Variants in DIP2C observed in about 807,000 individuals in gnomAD.
DIP2C encodes the protein disco-interacting protein 2 homolog C.
DIP2C carries 33 observed loss-of-function variants against 192.4 expected under a neutral mutation model. The observed-to-expected ratio is 0.17, with a 90% CI of 0.13 to 0.23. DIP2C has a LOEUF of 0.23. Ranked by LOEUF, DIP2C falls within the 10% of genes least tolerant of loss-of-function variation. DIP2C has a pLI of 1.00. For synonymous variants in DIP2C, 979 were observed against 864.1 expected (o/e 1.13, Z -2.33); for missense variants, 1,537 against 2,110.1 (o/e 0.73, Z 5.32).
chr10:337,551 GC>G (rs1957898889), intron 29 of DIP2C, among the ~76,000 whole-genome samples: 1 of 127,486 alleles, frequency 7.8e-6, no homozygotes, highest in Non-Finnish European at 1.7e-5. Context: ...GGCCTAGGAA[GC>G]TGTGTGTGTG....
At chr10:323,697 G>A (rs1011262652) in intron 31 of DIP2C, among the ~76,000 whole-genome samples, 6 of 152,262 alleles carry the variant, frequency 3.9e-5, no homozygotes, top group Non-Finnish European at 7.4e-5. Flanking sequence ...AAGCTAAAGT[G>A]TATTTTCTGA....
chr10:409,051 T>TA (rs1158512418), intron 8 of DIP2C, 34 bp from the exon 9 acceptor site: 2 of 1,604,816 alleles, frequency 1.2e-6, no homozygotes. Context: ...ATGTGCGTAT[T>TA]AAACCATACG....
chr10:433,955 TTATCA>T (rs1276753386), intron 4 of DIP2C, among the ~76,000 whole-genome samples: 4 of 152,162 alleles, frequency 2.6e-5, no homozygotes, highest in African/African-American at 4.8e-5. Context: ...CTTTCCTTTC[TTATCA>T]TATCAGTTAC....
At chr10:441,095 C>A in intron 3 of DIP2C, 99 bp from the exon 4 acceptor site, 2 of 1,365,168 alleles carry the variant, frequency 1.5e-6, no homozygotes, top group South Asian at 1.7e-5. Context: ...CATCCACCTT[C>A]TGAAACTCAC....
rs940430022 is a variant in DIP2C, at chr10:418,963, C to T, written c.739+102G>A. On this transcript the variant is annotated intron_variant, in intron 6 of 36. Transcript: ENST00000280886. The stretch of plus-strand genomic sequence containing the variant: ...TCTGATAAATTGGCTTTGTCAGAAC[C>T]GATTGTACCCCAGGAAGAAACACAT... 5.2e-6 allele frequency: 8 copies of T among 1,538,678 alleles called. No individual in the cohort carries two copies. In the Admixed American group the frequency reaches 1.1e-4, roughly 21 times the overall value.
chr10:689,571 T>C lies in DIP2C; in HGVS notation c.8A>G (p.Asp3Gly). 1.7e-6 allele frequency: 2 copies of C among 1,183,368 alleles called. No homozygotes were observed. Among genetic ancestry groups the C allele is most frequent in the East Asian group, 4.8e-5 (1 of 21,008 alleles). 73.3% of individuals were successfully genotyped at this position (1,183,368 alleles called of 1,614,324 possible). A position where few individuals can be genotyped will look rare whatever the true frequency, so the allele number is the denominator to read the frequency against. ...CAGCGCCATGCCCTCCAGGCTGCGG[T>C]CCGCCATGCTCCGCGGGCGCCGCGC... is the stretch of plus-strand genomic sequence containing the variant. MA[D>G]RSLEGMALPL... The change falls in exon 1 of 37, where the codon GAC (aspartate) becomes GGC (glycine). Residue 3 changes from aspartate (D) to glycine (G), a missense_variant. Around this residue, in one of 4 missense-constraint regions of DIP2C, gnomAD observed 473 missense variants for 539.6 expected, o/e 0.88. Transcript: ENST00000280886. The surrounding 1 kb of genome is among the most constrained non-coding windows in gnomAD (Gnocchi z 6.1).
intron 32 of DIP2C, among the ~76,000 whole-genome samples, chr10:309,317 T>TA (rs1393941751): frequency 6.6e-6 from 1 of 151,966 alleles, no homozygotes; most frequent in Admixed American, 6.6e-5. Flanking sequence ...AGGGGGCGCT[T>TA]AGGAGGCCAC....
Position 465,747 on chromosome 10 carries a change from GACAA to G in DIP2C, c.268+6688_268+6691del, listed in dbSNP as rs1267913117. Among the ~76,000 whole-genome samples the G allele has an allele frequency of 5.3e-5, 8 of 151,524 alleles. No individual in the cohort carries two copies. In the South Asian group the frequency reaches 6.3e-4, roughly 12 times the overall value. Reference sequence around the variant, plus strand: ...CAAGCATTCTTATACACCAACAGCAGACAAACAGAGAGCCAAATCATGAGTGAAC... The same window carrying G: ...CAAGCATTCTTATACACCAACAGCAGACAGAGAGCCAAATCATGAGTGAAC... On this transcript the variant is annotated intron_variant, in intron 3 of 36. Transcript: ENST00000280886.
At chr10:588,752 G>C (rs1851235602) in intron 1 of DIP2C, among the ~76,000 whole-genome samples, 1 of 152,192 alleles carries the variant, frequency 6.6e-6, no homozygotes, top group Non-Finnish European at 1.5e-5. Flanking sequence ...TGCCCCACAG[G>C]CTACCCCAGC....
At position 670,558 on chromosome 10, in the gene DIP2C, A is replaced by G. The variant is rs1830582988; in HGVS notation, c.85+18936T>C. ...TGCACATCACATTAACATCTTATCC[A>G]TTTTAAACGTGACCATTCCTGCCAA... is the stretch of plus-strand genomic sequence containing the variant. On this transcript the variant is annotated intron_variant, in intron 1 of 36. Coordinates refer to ENST00000280886, the MANE Select transcript of DIP2C (RefSeq NM_014974.3). 2.0e-5 allele frequency among the ~76,000 whole-genome samples: 3 copies of G among 152,232 alleles called. 1 individual carries two copies. In the South Asian group the frequency reaches 6.2e-4, roughly 31 times the overall value.
At chr10:578,840 A>G (rs1850361799) in intron 1 of DIP2C, among the ~76,000 whole-genome samples, 1 of 152,110 alleles carries the variant, frequency 6.6e-6, no homozygotes, top group Non-Finnish European at 1.5e-5. Context: ...ATCCAGATCC[A>G]TATAGTGTAC....
At chr10:283,940 C>T (rs898860544) in intron 34 of DIP2C, among the ~76,000 whole-genome samples, 1 of 152,192 alleles carries the variant, frequency 6.6e-6, no homozygotes, top group African/African-American at 2.4e-5. Flanking sequence ...CACCAAAAAC[C>T]GGAAACGAAA....
chr10:292,614 G>A (rs1395573657), intron 32 of DIP2C, among the ~76,000 whole-genome samples: 2 of 152,204 alleles, frequency 1.3e-5, no homozygotes, highest in East Asian at 1.9e-4. Flanking sequence ...CCGTGCAACC[G>A]AGTGGGGAAC....
chr10:578,035 T>C (rs1850288540), intron 1 of DIP2C, among the ~76,000 whole-genome samples: 1 of 152,186 alleles, frequency 6.6e-6, no homozygotes, highest in African/African-American at 2.4e-5. Flanking sequence ...AAAATCCAAA[T>C]AACTACAATC....
At chr10:535,765 G>A (rs980755281) in intron 1 of DIP2C, among the ~76,000 whole-genome samples, 5 of 152,104 alleles carry the variant, frequency 3.3e-5, no homozygotes, top group African/African-American at 7.2e-5. Flanking sequence ...ATATGTAAAG[G>A]GAGCCTATAG....
intron 1 of DIP2C, among the ~76,000 whole-genome samples, chr10:613,691 G>T (rs1337908931): frequency 6.6e-6 from 1 of 152,190 alleles, no homozygotes. Flanking sequence ...GAGAATGGAA[G>T]AACTGTTGCC....
At position 310,035 on chromosome 10, in the gene DIP2C, C is replaced by T. The variant is rs768616009; in HGVS notation, c.3982G>A (p.Asp1328Asn). 4 of 1,614,038 alleles carry T rather than the reference C, an allele frequency of 2.5e-6. No individual in the cohort carries two copies. The highest frequency in any genetic ancestry group is 2.5e-6 in the Non-Finnish European group (3 of 1,180,038). Residue 1328 changes from aspartate to asparagine, a missense_variant, in exon 32 of 37, where the codon GAC becomes AAC. Coordinates refer to ENST00000280886, the MANE Select transcript of DIP2C (RefSeq NM_014974.3). ...AAACCCAGAAGTGTACAGTACCTGT[C>T]GTGTCTCAGGGCTCTCATGTCCACG... The part of the protein sequence containing the change: ...VYVDMRALRH[D>N]RVRLVERGSP...
chr10:598,522 G>T (rs1191998585), intron 1 of DIP2C, among the ~76,000 whole-genome samples: 1 of 152,122 alleles, frequency 6.6e-6, no homozygotes, highest in East Asian at 1.9e-4. Flanking sequence ...AGCATCATGG[G>T]GAGAGGCCCC....
chr10:659,424 C>A (rs1341469178), intron 1 of DIP2C, among the ~76,000 whole-genome samples: 1 of 152,194 alleles, frequency 6.6e-6, no homozygotes, highest in Non-Finnish European at 1.5e-5. Flanking sequence ...CCCCATTATT[C>A]AATTCTATAC....
Sources: gnomAD v4.1 joint callset for allele counts (sites outside exome capture counted in the v4.1 genomes callset) on GRCh38, gnomAD v4.1.1 for gene constraint, gnomAD v4.1.1 regional missense constraint, Gnocchi (gnomAD v3.1) non-coding constraint, MANE v1.5 for transcripts, NCBI Gene and HGNC (gene_info 2026-07-23, HGNC 2026-07-21) for gene names.